Variants in LIMCH1 observed in about 807,000 individuals in gnomAD.
LIMCH1 encodes LIM and calponin homology domains-containing protein 1.
A neutral mutation model predicts 176.5 loss-of-function variants in LIMCH1; 113 were observed. The observed-to-expected ratio is 0.64, with a 90% CI of 0.55 to 0.75. The LOEUF is 0.75. Among genes scored for constraint, LIMCH1 ranks in the 30% least tolerant of loss-of-function variants. The pLI, the probability that LIMCH1 is intolerant of heterozygous loss-of-function variation, is 0.00. For synonymous variants in LIMCH1, 619 were observed against 645.9 expected (o/e 0.96, Z 0.63); for missense variants, 1,674 against 1,814.9 (o/e 0.92, Z 1.41).
chr4:41,511,025 C>T (rs1379580000), intron 2 of LIMCH1, among the ~76,000 whole-genome samples: 1 of 152,204 alleles, frequency 6.6e-6, no homozygotes, highest in Non-Finnish European at 1.5e-5. Context: ...CTTCCTTAAG[C>T]CACTGTAGAC....
intron 1 of LIMCH1, among the ~76,000 whole-genome samples, chr4:41,420,067 C>T (rs4370168): frequency 0.25 from 38,654 of 151,962 alleles, 5,036 homozygotes; most frequent in Admixed American, 0.31. Flanking sequence ...GCCTTCTACT[C>T]TTAATTGGGT....
At chr4:41,632,389 G>C (rs1380312934) in intron 10 of LIMCH1, among the ~76,000 whole-genome samples, 1 of 152,082 alleles carries the variant, frequency 6.6e-6, no homozygotes, top group African/African-American at 2.4e-5. Context: ...ATAGAAGAGA[G>C]AAGGCTATAA....
Position 41,697,197 on chromosome 4 carries a change from A to G in LIMCH1, c.*12A>G, listed in dbSNP as rs1412618456. 1.9e-6 allele frequency: 3 copies of G among 1,613,352 alleles called. No individual in the cohort carries two copies. The Admixed American group carries it at 5.0e-5, about 27-fold the overall frequency. ...CTACAACATTGTGACACGGCTTTCA[A>G]GCTTCCGGATCACTCACCATTTCTT... On this transcript the variant is annotated 3_prime_UTR_variant, in exon 32 of 32. Transcript: ENST00000503057.
chr4:41,601,233 C>T (rs1331472214), intron 2 of LIMCH1, among the ~76,000 whole-genome samples: 1 of 152,134 alleles, frequency 6.6e-6, no homozygotes, highest in East Asian at 1.9e-4. Flanking sequence ...GTTTACAATC[C>T]AGTGTCAAGA....
intron 1 of LIMCH1, among the ~76,000 whole-genome samples, chr4:41,464,605 A>G (rs1339694095): frequency 6.6e-6 from 1 of 151,386 alleles, no homozygotes; most frequent in African/African-American, 2.4e-5. Flanking sequence ...CAAACTCCTG[A>G]CCTCGTGATC....
chr4:41,597,179 C>T (rs1227962741), intron 1 of LIMCH1, among the ~76,000 whole-genome samples: 3 of 152,132 alleles, frequency 2.0e-5, no homozygotes, highest in Non-Finnish European at 4.4e-5. Context: ...TTGGTGCTGG[C>T]CTCAGATTTT....
Position 41,650,455 on chromosome 4 carries a change from G to GTGTC in LIMCH1, c.2884_2887dup (p.Pro963LeufsTer17). The GTGTC allele has an allele frequency of 6.2e-7, 1 of 1,613,088 alleles. No individual in the cohort carries two copies. Among genetic ancestry groups the GTGTC allele is most frequent in the Admixed American group, 1.7e-5 (1 of 60,016 alleles). ...ATAGAGAGGAGGAGAAGGAAAGAGAGTGTCCCACGGTGGCACCTGCCCACT... is the reference window on the plus strand; with the variant it reads ...ATAGAGAGGAGGAGAAGGAAAGAGAGTGTCTGTCCCACGGTGGCACCTGCCCACT... On this transcript the variant is annotated frameshift_variant, in exon 18 of 32. Coordinates refer to ENST00000503057, the MANE Select transcript of LIMCH1 (RefSeq NM_001330672.2). LOFTEE classifies it high-confidence loss of function.
intron 2 of LIMCH1, among the ~76,000 whole-genome samples, chr4:41,495,931 G>A (rs1284523841): frequency 3.3e-5 from 5 of 152,038 alleles, no homozygotes; most frequent in Non-Finnish European, 7.3e-5. Context: ...CACCCTACTC[G>A]TGTATCCCTC....
At chr4:41,449,595 C>T (rs758159550) in intron 1 of LIMCH1, among the ~76,000 whole-genome samples, 5 of 152,088 alleles carry the variant, frequency 3.3e-5, no homozygotes, top group Non-Finnish European at 5.9e-5. Context: ...TGCACTTTCC[C>T]GCATGTCTTC....
intron 2 of LIMCH1, among the ~76,000 whole-genome samples, chr4:41,502,966 A>G (rs191302999): frequency 4.0e-5 from 6 of 151,652 alleles, no homozygotes; most frequent in African/African-American, 1.5e-4. Context: ...CTATATAACC[A>G]TGCTTGAATT....
chr4:41,578,336 A>G (rs553550239), intron 1 of LIMCH1, among the ~76,000 whole-genome samples: 16 of 152,176 alleles, frequency 1.1e-4, no homozygotes, highest in Non-Finnish European at 2.1e-4. Context: ...GCGTAGAGGA[A>G]ACTGCCCCCA....
rs769430060 is a variant in LIMCH1 at position 41,626,717 on chromosome 4, A to G, written c.735A>G (p.Gln245=). 6.5e-7 allele frequency: 1 copy of G among 1,535,762 alleles called. No homozygotes were observed. Among genetic ancestry groups the G allele is most frequent in the Non-Finnish European group, 8.7e-7 (1 of 1,146,452 alleles). ...PAAQRFASQK[Q]LSEEKEAIRD... is the part of the protein sequence containing the mutation. ...AATTTTCCCCTATCAGTCAAAAACA[A>G]TTAAGTGAAGAGAAAGAAGCTATTC... The change falls in exon 8 of 32, where the codon CAA becomes CAG. Residue 245 remains glutamine (Q), a synonymous_variant. Transcript: ENST00000503057.
chr4:41,693,983 T>C (rs1339860525), intron 31 of LIMCH1, among the ~76,000 whole-genome samples: 1 of 152,176 alleles, frequency 6.6e-6, no homozygotes. Context: ...GGTGATTCTT[T>C]GTCATTTCTT....
intron 31 of LIMCH1, among the ~76,000 whole-genome samples, chr4:41,694,670 G>A (rs1298470006): frequency 6.6e-6 from 1 of 151,966 alleles, no homozygotes; most frequent in African/African-American, 2.4e-5. Flanking sequence ...ACACTTTGGT[G>A]GTTTCCCATT....
At chr4:41,601,644 G>C (rs1223779014) in intron 2 of LIMCH1, among the ~76,000 whole-genome samples, 1 of 152,202 alleles carries the variant, frequency 6.6e-6, no homozygotes, top group Non-Finnish European at 1.5e-5. Context: ...ACATTTTACT[G>C]TATGAGTATT....
chr4:41,439,233 A>G (rs1296007796), intron 1 of LIMCH1, among the ~76,000 whole-genome samples: 3 of 152,202 alleles, frequency 2.0e-5, no homozygotes, highest in Non-Finnish European at 4.4e-5. Flanking sequence ...ACTATAGGAA[A>G]AACACCAAGT....
At chr4:41,590,628 C>T (rs1035984251) in intron 1 of LIMCH1, among the ~76,000 whole-genome samples, 7 of 152,096 alleles carry the variant, frequency 4.6e-5, no homozygotes, top group African/African-American at 1.4e-4. Context: ...TTCTGTGATC[C>T]GCTGTGCTTC....
At chr4:41,405,186 T>C (rs1025653149) in intron 1 of LIMCH1, among the ~76,000 whole-genome samples, 3 of 152,216 alleles carry the variant, frequency 2.0e-5, no homozygotes, top group Non-Finnish European at 4.4e-5. Context: ...CATAGTTTAT[T>C]GGTTATATCT....
At chr4:41,560,748 G>A (rs1449286430) in intron 1 of LIMCH1, among the ~76,000 whole-genome samples, 1 of 151,866 alleles carries the variant, frequency 6.6e-6, no homozygotes, top group Non-Finnish European at 1.5e-5. Flanking sequence ...GTCAGGCATG[G>A]TGGCATGTTC....
Sources: gnomAD v4.1 joint callset for allele counts (sites outside exome capture counted in the v4.1 genomes callset) on GRCh38, gnomAD v4.1.1 for gene constraint, MANE v1.5 for transcripts, NCBI Gene and HGNC (gene_info 2026-07-23, HGNC 2026-07-21) for gene names.